CCDC191: variants seen among roughly 807,000 people sequenced by gnomAD.
CCDC191 encodes the protein coiled-coil domain-containing protein 191.
CCDC191 carries 99 observed loss-of-function variants against 114.0 expected under a neutral mutation model. The observed-to-expected ratio is 0.87, with a 90% CI of 0.74 to 1.03. The LOEUF is 1.03. Ranked by LOEUF, CCDC191 falls within the 50% of genes least tolerant of loss-of-function variation. The probability of loss-of-function intolerance (pLI) is 0.00; values close to 1 mark genes in which losing one functional copy is unlikely to be tolerated. For synonymous variants in CCDC191, 351 were observed against 376.0 expected (o/e 0.93, Z 0.77); for missense variants, 973 against 1,087.0 (o/e 0.90, Z 1.47).
In CCDC191 at chr3:114,010,630, A is replaced by C; in HGVS notation, c.1413+142T>G. 5.7e-6 allele frequency: 4 copies of C among 705,390 alleles called. No individual in the cohort carries two copies. The South Asian group carries it at 7.3e-5, about 13-fold the overall frequency. 43.7% of individuals were successfully genotyped at this position (705,390 alleles called of 1,614,324 possible). A position where few individuals can be genotyped will look rare whatever the true frequency, so the allele number is the denominator to read the frequency against. Reference sequence around the variant, plus strand: ...AAAGAAGATTCAATTCAAGGAAATAAACACTGCCTGAAAGGTAGTGCATTG... The same window carrying C: ...AAAGAAGATTCAATTCAAGGAAATACACACTGCCTGAAAGGTAGTGCATTG... On this transcript the variant is annotated intron_variant, in intron 9 of 16. Transcript: ENST00000295878.
chr3:113,998,086 A>C (rs921003944), intron 13 of CCDC191, among the ~76,000 whole-genome samples: 1 of 152,034 alleles, frequency 6.6e-6, no homozygotes, highest in Admixed American at 6.6e-5. Context: ...CAGGCGGATC[A>C]CCTGAGTTCA....
chr3:113,982,864 A>AC (rs1055620996), intron 13 of CCDC191, among the ~76,000 whole-genome samples: 27 of 150,814 alleles, frequency 1.8e-4, no homozygotes, highest in African/African-American at 4.1e-4. Flanking sequence ...AAACAAAAAA[A>AC]AAAAAACCAA....
chr3:113,974,091 A>G (rs1482272597), intron 16 of CCDC191, among the ~76,000 whole-genome samples: 3 of 151,946 alleles, frequency 2.0e-5, no homozygotes, highest in African/African-American at 7.2e-5. Flanking sequence ...TTTTCAGTTC[A>G]GCAAATATAT....
chr3:114,001,543 C>T, intron 13 of CCDC191, 52 bp downstream of exon 13: 1 of 1,605,290 alleles, frequency 6.2e-7, no homozygotes, highest in African/African-American at 1.3e-5. Context: ...GCCACAGTAT[C>T]ACACACAGCA....
intron 13 of CCDC191, among the ~76,000 whole-genome samples, chr3:113,983,459 T>C (rs2075243725): frequency 6.6e-6 from 1 of 152,266 alleles, no homozygotes; most frequent in South Asian, 2.1e-4. Flanking sequence ...CCAATAGGTA[T>C]CTCACATTTA....
At chr3:114,043,547 G>T (rs550828201) in intron 3 of CCDC191, among the ~76,000 whole-genome samples, 1 of 152,290 alleles carries the variant, frequency 6.6e-6, no homozygotes, top group East Asian at 1.9e-4. Context: ...AGCCCAAAAT[G>T]TCAATAGTCC....
intron 9 of CCDC191, among the ~76,000 whole-genome samples, chr3:114,006,575 A>G (rs1452755450): frequency 1.5e-5 from 2 of 129,788 alleles, no homozygotes; most frequent in African/African-American, 6.1e-5. Flanking sequence ...TGAATTAGGC[A>G]AGGTTACTCC....
chr3:114,008,095 A>G (rs2076003692), intron 9 of CCDC191, among the ~76,000 whole-genome samples: 1 of 147,312 alleles, frequency 6.8e-6, no homozygotes. Flanking sequence ...TATATAAATT[A>G]CTATATATAT....
intron 2 of CCDC191, among the ~76,000 whole-genome samples, chr3:114,048,499 T>C (rs9869187): frequency 0.091 from 13,784 of 152,212 alleles, 698 homozygotes; most frequent in East Asian, 0.13. Flanking sequence ...CTCACGGACC[T>C]CCTTGCTTGT....
rs1024076768 is a variant in CCDC191, at chr3:113,999,231, A to C, written c.2163+2364T>G. Among the ~76,000 whole-genome samples the C allele has an allele frequency of 2.0e-5, 3 of 152,176 alleles. No homozygotes were observed. The East Asian group carries it at 5.8e-4, about 29-fold the overall frequency. On this transcript the variant is annotated intron_variant, in intron 13 of 16. Coordinates refer to ENST00000295878, the MANE Select transcript of CCDC191 (RefSeq NM_020817.2). ...TTTGGCTTCCTGTTCCCATGACTTT[A>C]TGCTTTACTAGCCTAGAGGTCTTAG...
intron 13 of CCDC191, among the ~76,000 whole-genome samples, chr3:113,995,987 T>C (rs13318293): frequency 1 from 152,305 of 152,308 alleles, 76,151 homozygotes; most frequent in Non-Finnish European, 1. Flanking sequence ...TCTTTTTTTT[T>C]TTATACATTT....
At chr3:114,033,167 G>A (rs2076433118) in intron 6 of CCDC191, among the ~76,000 whole-genome samples, 1 of 150,824 alleles carries the variant, frequency 6.6e-6, no homozygotes, top group South Asian at 2.1e-4. Flanking sequence ...GCATGATCTC[G>A]GCTCACTGCA....
intron 16 of CCDC191, among the ~76,000 whole-genome samples, chr3:113,968,168 T>TCATATGCATAGAAC (rs1188611464): frequency 1.3e-5 from 2 of 152,190 alleles, no homozygotes; most frequent in African/African-American, 4.8e-5. Flanking sequence ...AATTGCTGGA[T>TCATATGCATAGAAC]CATATGGTAG....
At chr3:114,021,127 G>A (rs552360691) in intron 7 of CCDC191, among the ~76,000 whole-genome samples, 1 of 152,174 alleles carries the variant, frequency 6.6e-6, no homozygotes, top group East Asian at 1.9e-4. Context: ...TCCTGAAAAA[G>A]AAAGGCACAT....
Position 113,964,336 on chromosome 3 carries a change from T to C in CCDC191, c.*819A>G, listed in dbSNP as rs1341452958. The C allele has an allele frequency of 6.6e-6, 1 of 152,354 alleles. No individual in the cohort carries two copies. The highest frequency in any genetic ancestry group is 2.4e-5 in the African/African-American group (1 of 41,588). The allele number at this position is 152,354 out of a possible 1,614,324, so 9.4% of individuals were successfully genotyped here. ...GCAGGTAATTCTCTAACACAATTCATAGAAGAGAGCATTTTATCAGTCTTT... is the reference window on the plus strand; with the variant it reads ...GCAGGTAATTCTCTAACACAATTCACAGAAGAGAGCATTTTATCAGTCTTT... On this transcript the variant is annotated 3_prime_UTR_variant, in exon 17 of 17. Transcript: ENST00000295878.
intron 13 of CCDC191, among the ~76,000 whole-genome samples, chr3:113,989,266 T>C (rs899579657): frequency 6.6e-6 from 1 of 152,190 alleles, no homozygotes; most frequent in African/African-American, 2.4e-5. Flanking sequence ...AATACAGATA[T>C]AGATACCGTA....
In CCDC191 at chr3:113,980,730, G is replaced by A; in HGVS notation, c.2227C>T (p.His743Tyr). 6.2e-7 allele frequency: 1 copy of A among 1,610,114 alleles called. No homozygotes were observed. Among genetic ancestry groups the A allele is most frequent in the Non-Finnish European group, 8.5e-7 (1 of 1,178,742 alleles). Residue 743 changes from histidine (H) to tyrosine (Y), a missense_variant, in exon 14 of 17, where the codon CAT becomes TAT. Transcript: ENST00000295878. The part of the protein sequence containing the change: ...NQQLEAIAKE[H>Y]YERVLLRKKG... ...TTCCTTAGCAAGACCCTTTCATAAT[G>A]TTCTTTGGCTATTGCTTCCAGCTGC...
At chr3:113,967,201 C>T (rs891255006) in intron 16 of CCDC191, among the ~76,000 whole-genome samples, 2 of 152,172 alleles carry the variant, frequency 1.3e-5, no homozygotes, top group Non-Finnish European at 2.9e-5. Context: ...TTCCTGTGCT[C>T]GGCTGTGGGC....
chr3:114,031,657 A>G lies in CCDC191; in HGVS notation c.941T>C (p.Val314Ala). Residue 314 changes from valine to alanine, a missense_variant, in exon 7 of 17, where the codon GTA (valine) becomes GCA (alanine). By Grantham distance (64) the Val-to-Ala change is moderately conservative (BLOSUM62 0). Coordinates refer to ENST00000295878, the MANE Select transcript of CCDC191 (RefSeq NM_020817.2). ...VKERKRKLKE[V>A]LIQTFKENQQ... The stretch of plus-strand genomic sequence containing the variant: ...ATTTTCTTTGAAAGTTTGGATTAAT[A>G]CTTCTTTCAATTTCCTTTTTCTTTC... 6.2e-7 allele frequency: 1 copy of G among 1,609,912 alleles called. No homozygotes were observed. The highest frequency in any genetic ancestry group is 8.5e-7 in the Non-Finnish European group (1 of 1,176,338).
Sources: gnomAD v4.1 joint callset for allele counts (sites outside exome capture counted in the v4.1 genomes callset) on GRCh38, gnomAD v4.1.1 for gene constraint, MANE v1.5 for transcripts, NCBI Gene and HGNC (gene_info 2026-07-23, HGNC 2026-07-21) for gene names.